The following MYO16 variants were observed in gnomAD, a reference collection of about 807,000 sequenced individuals.
The protein encoded by MYO16 is myosin XVI, also known as unconventional myosin-XVI.
MYO16 carries 94 observed loss-of-function variants against 205.3 expected under a neutral mutation model. The observed-to-expected ratio is 0.46, with a 90% CI of 0.39 to 0.54. The LOEUF (loss-of-function observed/expected upper bound fraction) is 0.54. Ranked by LOEUF, MYO16 falls within the 20% of genes least tolerant of loss-of-function variation. MYO16 has a pLI of 0.00. For synonymous variants in MYO16, 988 were observed against 954.0 expected (o/e 1.04, Z -0.66); for missense variants, 2,315 against 2,387.5 (o/e 0.97, Z 0.63).
At chr13:108,792,662 C>A (rs1383048300) in intron 5 of MYO16, among the ~76,000 whole-genome samples, 2 of 151,992 alleles carry the variant, frequency 1.3e-5, no homozygotes, top group African/African-American at 4.8e-5. Flanking sequence ...TAGACACTTG[C>A]CACCACAACC....
Position 108,957,685 on chromosome 13 carries a change from C to T in MYO16, c.1926-3C>T, listed in dbSNP as rs1272187504. On this transcript the variant is annotated splice_region_variant and splice_polypyrimidine_tract_variant and intron_variant, in intron 16 of 34. Coordinates refer to ENST00000457511, the MANE Select transcript of MYO16 (RefSeq NM_001198950.3). ...TAACGTTACGTGCCTTGTCTCCTAA[C>T]AGGTATTTGAACCAGACCATACAGG... The T allele has an allele frequency of 6.2e-7, 1 of 1,601,188 alleles. No homozygotes were observed.
chr13:108,674,081 A>G (rs1171928854), intron 2 of MYO16, among the ~76,000 whole-genome samples: 1 of 152,200 alleles, frequency 6.6e-6, no homozygotes, highest in East Asian at 1.9e-4. Context: ...TGATGTATTC[A>G]TTGATAGGCT....
chr13:109,007,072 A>T lies in MYO16; in HGVS notation c.2443-1825A>T, dbSNP rs548308713. On this transcript the variant is annotated intron_variant, in intron 21 of 34. Coordinates refer to ENST00000457511, the MANE Select transcript of MYO16 (RefSeq NM_001198950.3). The stretch of plus-strand genomic sequence containing the variant: ...ATGGGTCAAGAGAAACAAATGTGAG[A>T]GTTGAACATTGGATTTAGAAATGTG... Among the ~76,000 whole-genome samples, 4 of 152,162 alleles carry T rather than the reference A, an allele frequency of 2.6e-5. No individual in the cohort carries two copies. The South Asian group carries it at 6.2e-4, about 24-fold the overall frequency.
chr13:109,032,056 T>C (rs1459479609), intron 23 of MYO16, among the ~76,000 whole-genome samples: 1 of 152,172 alleles, frequency 6.6e-6, no homozygotes, highest in Non-Finnish European at 1.5e-5. Flanking sequence ...TGTGCAAAGC[T>C]AACACTCACT....
At chr13:108,598,450 A>G in intron 1 of MYO16, among the ~76,000 whole-genome samples, 1 of 152,350 alleles carries the variant, frequency 6.6e-6, no homozygotes, top group Middle Eastern at 3.4e-3. Context: ...ATTCAAATGC[A>G]TATAACAAAC....
intron 1 of MYO16, among the ~76,000 whole-genome samples, chr13:108,658,068 C>T (rs573714275): frequency 3.3e-5 from 5 of 152,186 alleles, no homozygotes; most frequent in South Asian, 4.2e-4. Context: ...ATTTTGGTAT[C>T]GAGCTTATGC....
intron 23 of MYO16, among the ~76,000 whole-genome samples, chr13:109,021,589 G>C (rs1886023636): frequency 6.6e-6 from 1 of 152,166 alleles, no homozygotes; most frequent in Non-Finnish European, 1.5e-5. Context: ...TATGTGGAAG[G>C]CAGGCTTCTC....
chr13:108,984,997 C>T (rs1315679703), intron 20 of MYO16, among the ~76,000 whole-genome samples: 1 of 152,188 alleles, frequency 6.6e-6, no homozygotes, highest in Non-Finnish European at 1.5e-5. Context: ...ATTAATATTT[C>T]CTTGAAAAGA....
At chr13:108,742,585 G>A (rs908042612) in intron 4 of MYO16, among the ~76,000 whole-genome samples, 34 of 151,686 alleles carry the variant, frequency 2.2e-4, no homozygotes, top group Middle Eastern at 3.4e-3. Flanking sequence ...TCTATAACTC[G>A]AATGTGTTCT....
At chr13:108,989,781 G>T (rs1884762131) in intron 20 of MYO16, among the ~76,000 whole-genome samples, 1 of 151,862 alleles carries the variant, frequency 6.6e-6, no homozygotes, top group Non-Finnish European at 1.5e-5. Context: ...AAAGTATATA[G>T]GAAAATATCT....
chr13:108,684,996 C>G (rs1168168498), intron 2 of MYO16, among the ~76,000 whole-genome samples: 4 of 150,536 alleles, frequency 2.7e-5, no homozygotes, highest in Non-Finnish European at 4.4e-5. Flanking sequence ...ATTATTGAAC[C>G]CAAGAAGAGG....
intron 2 of MYO16, among the ~76,000 whole-genome samples, chr13:108,697,042 G>A (rs1883120346): frequency 6.6e-6 from 1 of 151,096 alleles, no homozygotes; most frequent in Non-Finnish European, 1.5e-5. Flanking sequence ...CACAAAGCAT[G>A]TAGTCTGGCA....
intron 4 of MYO16, among the ~76,000 whole-genome samples, chr13:108,781,182 T>G (rs1886289359): frequency 6.6e-6 from 1 of 152,252 alleles, no homozygotes; most frequent in Non-Finnish European, 1.5e-5. Context: ...AAGGATTCTC[T>G]ACCACTGATA....
At chr13:108,764,902 T>G (rs1435238143) in intron 4 of MYO16, among the ~76,000 whole-genome samples, 2 of 152,180 alleles carry the variant, frequency 1.3e-5, no homozygotes, top group African/African-American at 4.8e-5. Context: ...AACAGAACAG[T>G]CATACACTTT....
rs1421323152 is a variant in MYO16, at chr13:109,141,651, A to G, written c.5164+275A>G. On this transcript the variant is annotated intron_variant, in intron 32 of 34. Coordinates refer to ENST00000457511, the MANE Select transcript of MYO16 (RefSeq NM_001198950.3). The surrounding 1 kb of genome is among the most constrained non-coding windows in gnomAD (Gnocchi z 4.1). ...TGGATTTAATAAATTATAACTTGAT[A>G]AATGTTCGACAGAGCAAGGTTAAAT... 6.6e-6 allele frequency among the ~76,000 whole-genome samples: 1 copy of G among 152,232 alleles called. No homozygotes were observed. The highest frequency in any genetic ancestry group is 1.9e-4 in the East Asian group (1 of 5,198).
intron 3 of MYO16, among the ~76,000 whole-genome samples, chr13:108,718,733 A>C (rs1370489715): frequency 1.2e-4 from 18 of 152,082 alleles, no homozygotes; most frequent in Non-Finnish European, 2.6e-4. Context: ...TCCTGGCTGG[A>C]TGTGGCTTTT....
Position 108,793,539 on chromosome 13 carries a change from C to G in MYO16, c.640C>G (p.Gln214Glu), listed in dbSNP as rs1318398913. The change falls in exon 6 of 35, where the codon CAG becomes GAG. Residue 214 changes from glutamine to glutamate, a missense_variant. Physicochemically the swap from Gln to Glu is conservative, Grantham distance 29. Coordinates refer to ENST00000457511, the MANE Select transcript of MYO16 (RefSeq NM_001198950.3). Reference protein sequence around the residue: ...ENGVDLTSLRQMKLQRPMSML... With the variant: ...ENGVDLTSLREMKLQRPMSML... The stretch of plus-strand genomic sequence containing the variant: ...AGGAGTGGATTTGACCTCACTGCGC[C>G]AGATGAAGCTTCAGAGACCAATGAG... 2 of 1,613,708 alleles carry G rather than the reference C, an allele frequency of 1.2e-6. No individual in the cohort carries two copies. The highest frequency in any genetic ancestry group is 4.5e-5 in the East Asian group (2 of 44,862).
chr13:109,032,111 G>A (rs555071770), intron 23 of MYO16, among the ~76,000 whole-genome samples: 1 of 152,274 alleles, frequency 6.6e-6, no homozygotes, highest in South Asian at 2.1e-4. Context: ...TTTCCCAGGT[G>A]TGGGTGATGC....
At chr13:108,675,749 T>C (rs1484515616) in intron 2 of MYO16, among the ~76,000 whole-genome samples, 2 of 152,188 alleles carry the variant, frequency 1.3e-5, no homozygotes, top group African/African-American at 4.8e-5. Flanking sequence ...AGAGCAGCGA[T>C]GGAGCCGGAA....
Sources: allele counts gnomAD v4.1 joint callset (sites outside exome capture counted in the v4.1 genomes callset), GRCh38; gene constraint gnomAD v4.1.1; non-coding constraint Gnocchi (gnomAD v3.1); transcripts MANE v1.5; gene names NCBI Gene and HGNC (gene_info 2026-07-23, HGNC 2026-07-21).